The following GABRG3 variants were observed in gnomAD, a reference collection of about 807,000 sequenced individuals.
The protein encoded by GABRG3 is gamma-aminobutyric acid receptor subunit gamma-3.
A neutral mutation model predicts 48.8 loss-of-function variants in GABRG3; 25 were observed. The ratio of observed to expected loss-of-function variants is 0.51; its 90% CI spans 0.37 to 0.72. The LOEUF (loss-of-function observed/expected upper bound fraction) is 0.72, where lower values mean the gene tolerates loss of function less well. GABRG3 is among the 30% of genes least tolerant of loss of function. The pLI, the probability that GABRG3 is intolerant of heterozygous loss-of-function variation, is 0.00. For synonymous variants in GABRG3, 227 were observed against 217.6 expected, an observed-to-expected ratio of 1.04 and a Z score of -0.38; for missense variants, 394 against 577.9, an observed-to-expected ratio of 0.68 and a Z score of 3.26.
chr15:27,349,252 T>C (rs914642141), intron 5 of GABRG3, among the ~76,000 whole-genome samples: 1 of 152,142 alleles, frequency 6.6e-6, no homozygotes, highest in African/African-American at 2.4e-5. Flanking sequence ...GTATAAATTA[T>C]ATATAATTGA....
At chr15:27,316,251 A>G (rs968155206) in intron 3 of GABRG3, among the ~76,000 whole-genome samples, 6 of 151,386 alleles carry the variant, frequency 4.0e-5, no homozygotes, top group South Asian at 2.1e-4. Flanking sequence ...AGCCGGGCCT[A>G]GTGGCGGGCG....
intron 3 of GABRG3, among the ~76,000 whole-genome samples, chr15:27,049,020 A>G (rs766549361): frequency 6.6e-5 from 10 of 152,244 alleles, no homozygotes; most frequent in Non-Finnish European, 1.5e-4. Context: ...TGTTAGAGGA[A>G]GTCAGTACTC....
intron 3 of GABRG3, among the ~76,000 whole-genome samples, chr15:27,111,495 T>A (rs946541257): frequency 2.6e-4 from 39 of 152,302 alleles, no homozygotes; most frequent in African/African-American, 8.9e-4. Context: ...CCAAGGTCAA[T>A]AGGCCTGTAG....
intron 3 of GABRG3, among the ~76,000 whole-genome samples, chr15:27,190,920 T>C (rs1245954895): frequency 1.3e-5 from 2 of 152,224 alleles, no homozygotes; most frequent in African/African-American, 4.8e-5. Context: ...GATTCTGATA[T>C]GTCGTGCTTG....
At chr15:27,020,090 G>A (rs1362368461) in intron 2 of GABRG3, among the ~76,000 whole-genome samples, 1 of 152,126 alleles carries the variant, frequency 6.6e-6, no homozygotes, top group East Asian at 1.9e-4. Context: ...ATTAGGTTCT[G>A]TTTTCAGCCT....
intron 3 of GABRG3, among the ~76,000 whole-genome samples, chr15:27,320,821 CAA>C (rs1245134302): frequency 3.9e-5 from 6 of 152,122 alleles, no homozygotes; most frequent in Admixed American, 3.3e-4. Context: ...TCATTAGAAA[CAA>C]ATATTGATTT....
chr15:27,177,371 G>A, intron 3 of GABRG3, among the ~76,000 whole-genome samples: 1 of 152,214 alleles, frequency 6.6e-6, no homozygotes. Context: ...CCAGCTACAT[G>A]ACTCTTGAGT....
At chr15:27,410,974 A>G (rs551863276) in intron 5 of GABRG3, among the ~76,000 whole-genome samples, 30 of 152,102 alleles carry the variant, frequency 2.0e-4, no homozygotes, top group African/African-American at 6.3e-4. Context: ...GATATTGAAG[A>G]TCCATCAGCG....
intron 3 of GABRG3, among the ~76,000 whole-genome samples, chr15:27,292,584 G>A (rs1253584068): frequency 6.6e-6 from 1 of 151,990 alleles, no homozygotes; most frequent in Non-Finnish European, 1.5e-5. Context: ...TACAAAAATA[G>A]AATTGTACCA....
chr15:27,001,967 A>G (rs1895457587), intron 2 of GABRG3, among the ~76,000 whole-genome samples: 1 of 147,942 alleles, frequency 6.8e-6, no homozygotes, highest in Non-Finnish European at 1.5e-5. Flanking sequence ...GTAGATGAAG[A>G]TATAGTGTGA....
intron 5 of GABRG3, among the ~76,000 whole-genome samples, chr15:27,429,509 C>T (rs1211399538): frequency 6.6e-6 from 1 of 152,196 alleles, no homozygotes; most frequent in African/African-American, 2.4e-5. Context: ...AATTCTGCAA[C>T]TGTCACCACT....
At chr15:27,338,769 A>T (rs1894065250) in intron 5 of GABRG3, among the ~76,000 whole-genome samples, 1 of 152,188 alleles carries the variant, frequency 6.6e-6, no homozygotes, top group Admixed American at 6.5e-5. Flanking sequence ...AGGTACAGAC[A>T]AACCAGCAAA....
intron 3 of GABRG3, among the ~76,000 whole-genome samples, chr15:27,120,044 G>T (rs1897705199): frequency 6.6e-6 from 1 of 152,196 alleles, no homozygotes; most frequent in Non-Finnish European, 1.5e-5. Context: ...CAGGAGGTGG[G>T]GATCATGGAA....
At chr15:27,268,964 G>A (rs138418046) in intron 3 of GABRG3, among the ~76,000 whole-genome samples, 37 of 152,186 alleles carry the variant, frequency 2.4e-4, no homozygotes, top group East Asian at 1.5e-3. Flanking sequence ...ACTGAACCTC[G>A]TACACTGTTG....
At chr15:27,084,138 C>CA in intron 3 of GABRG3, among the ~76,000 whole-genome samples, 1 of 152,216 alleles carries the variant, frequency 6.6e-6, no homozygotes, top group Non-Finnish European at 1.5e-5. Flanking sequence ...GCTCACGCTC[C>CA]ATCCTCCAGC....
At chr15:27,111,576 C>G (rs934786868) in intron 3 of GABRG3, among the ~76,000 whole-genome samples, 61 of 152,152 alleles carry the variant, frequency 4.0e-4, no homozygotes, top group African/African-American at 1.3e-3. Flanking sequence ...AGTAGCAGAG[C>G]TTCACAGCCT....
chr15:27,426,067 C>T (rs768132028), intron 5 of GABRG3, among the ~76,000 whole-genome samples: 8 of 152,148 alleles, frequency 5.3e-5, no homozygotes, highest in Non-Finnish European at 1.0e-4. Context: ...TTCAAATACT[C>T]AGATATACCT....
At chr15:27,045,573 C>T (rs958168937) in intron 3 of GABRG3, among the ~76,000 whole-genome samples, 7 of 152,144 alleles carry the variant, frequency 4.6e-5, no homozygotes, top group Admixed American at 6.5e-5. Flanking sequence ...AGCACAAAAC[C>T]GTAAATCTGC....
intron 3 of GABRG3, among the ~76,000 whole-genome samples, chr15:27,261,040 T>G (rs1338447883): frequency 6.6e-6 from 1 of 152,162 alleles, no homozygotes; most frequent in East Asian, 1.9e-4. Flanking sequence ...ATACATTGCA[T>G]AGTCACAATC....
Sources: allele counts gnomAD v4.1 joint callset (sites outside exome capture counted in the v4.1 genomes callset), GRCh38; gene constraint gnomAD v4.1.1; transcripts MANE v1.5; gene names NCBI Gene and HGNC (gene_info 2026-07-23, HGNC 2026-07-21).